Variants in GRM1 observed in about 807,000 individuals in gnomAD.
GRM1 encodes the protein glutamate metabotropic receptor 1.
A neutral mutation model predicts 90.9 loss-of-function variants in GRM1; 33 were observed. That is an observed-to-expected ratio of 0.36 (90% CI 0.28 to 0.49). GRM1 has a LOEUF of 0.49. GRM1 is among the 20% of genes least tolerant of loss of function. The pLI is 0.99. For synonymous variants in GRM1, 700 were observed against 613.2 expected, an observed-to-expected ratio of 1.14 and a Z score of -2.09; for missense variants, 1,190 against 1,534.3, an observed-to-expected ratio of 0.78 and a Z score of 3.75.
At chr6:146,411,133 C>G (rs1012231131) in intron 7 of GRM1, among the ~76,000 whole-genome samples, 1 of 152,128 alleles carries the variant, frequency 6.6e-6, no homozygotes, top group Non-Finnish European at 1.5e-5. Context: ...CAAGACAATA[C>G]AAGCATAGTG....
intron 5 of GRM1, among the ~76,000 whole-genome samples, chr6:146,373,190 A>G (rs1270009617): frequency 6.6e-6 from 1 of 152,060 alleles, no homozygotes; most frequent in Non-Finnish European, 1.5e-5. Flanking sequence ...CTCTTTTGTT[A>G]ATTCCTAGGT....
At chr6:146,130,242 TCCCTC>T (rs1776347166) in intron 1 of GRM1, among the ~76,000 whole-genome samples, 1 of 102,520 alleles carries the variant, frequency 9.8e-6, no homozygotes, top group African/African-American at 3.7e-5. Context: ...CCTCCCTCCC[TCCCTC>T]CCTCCCTTCC....
chr6:146,143,891 A>T (rs1776991337), intron 1 of GRM1, among the ~76,000 whole-genome samples: 1 of 152,228 alleles, frequency 6.6e-6, no homozygotes, highest in Non-Finnish European at 1.5e-5. Context: ...TATTTTGAAC[A>T]TGAATAAAGA....
chr6:146,102,157 G>C (rs1475981125), intron 1 of GRM1, among the ~76,000 whole-genome samples: 1 of 151,762 alleles, frequency 6.6e-6, no homozygotes, highest in Non-Finnish European at 1.5e-5. Context: ...TTTTTCTCTG[G>C]GTTCTCTTCC....
chr6:146,158,407 C>T (rs566247482), intron 1 of GRM1, among the ~76,000 whole-genome samples: 151 of 152,180 alleles, frequency 9.9e-4, no homozygotes, highest in Non-Finnish European at 1.5e-3. Context: ...GATGAGGTAG[C>T]AGAGATGGAT....
chr6:146,270,530 A>C (rs1194679521), intron 2 of GRM1, among the ~76,000 whole-genome samples: 8 of 152,180 alleles, frequency 5.3e-5, no homozygotes, highest in Non-Finnish European at 1.2e-4. Context: ...CAATCACCAA[A>C]GGATGAGTTG....
intron 1 of GRM1, among the ~76,000 whole-genome samples, chr6:146,118,118 T>C (rs561313325): frequency 6.7e-6 from 1 of 150,030 alleles, no homozygotes; most frequent in Non-Finnish European, 1.5e-5. Flanking sequence ...TTATTTATTT[T>C]TTATTCTTTT....
In GRM1 at chr6:146,434,429, A is replaced by T. The variant is rs755592976; in HGVS notation, c.3218A>T (p.Gln1073Leu). Reference sequence around the variant, plus strand: ...CTGTACCCGCCCCCGCCACCTCCGCAGCACCTGCAGATGCTGCCGCTGCAG... The same window carrying T: ...CTGTACCCGCCCCCGCCACCTCCGCTGCACCTGCAGATGCTGCCGCTGCAG... ...RSLYPPPPPP[Q>L]HLQMLPLQLS... Residue 1073 changes from glutamine to leucine, a missense_variant, in exon 8 of 8, where the codon CAG (glutamine) becomes CTG (leucine). Around this residue, in one of 10 missense-constraint regions of GRM1, gnomAD observed 400 missense variants for 360.8 expected, o/e 1.11. Transcript: ENST00000282753. The T allele has an allele frequency of 1.2e-6, 2 of 1,613,404 alleles. No individual in the cohort carries two copies. The highest frequency in any genetic ancestry group is 4.5e-5 in the East Asian group (2 of 44,852).
intron 2 of GRM1, among the ~76,000 whole-genome samples, chr6:146,213,351 T>A (rs1779744907): frequency 6.6e-6 from 1 of 151,998 alleles, no homozygotes. Flanking sequence ...TTAATTTTAA[T>A]CTTCACCTGC....
At chr6:146,312,375 A>G (rs1282242310) in intron 3 of GRM1, among the ~76,000 whole-genome samples, 1 of 150,778 alleles carries the variant, frequency 6.6e-6, no homozygotes, top group Non-Finnish European at 1.5e-5. Context: ...AAAAAAAAAA[A>G]AAAAGAATAT....
In GRM1 at chr6:146,313,852, G is replaced by A. The variant is rs528822554; in HGVS notation, c.1186+9006G>A. Among the ~76,000 whole-genome samples, 283 of 151,778 alleles carry A rather than the reference G, an allele frequency of 1.9e-3. 2 individuals are homozygous for A. The highest frequency in any genetic ancestry group is 6.2e-3 in the African/African-American group (256 of 41,368). ...TTGTGCCTCATTGAAAATCCCTCTC[G>A]TCTACCCCTCTTCATCCCATCCCCA... is the stretch of plus-strand genomic sequence containing the variant. On this transcript the variant is annotated intron_variant, in intron 3 of 7. Transcript: ENST00000282753.
intron 7 of GRM1, among the ~76,000 whole-genome samples, chr6:146,400,922 T>G (rs1777135668): frequency 6.6e-6 from 1 of 152,104 alleles, no homozygotes; most frequent in South Asian, 2.1e-4. Context: ...TATTTATTTA[T>G]TATTATTATT....
At chr6:146,174,154 T>A (rs1256210996) in intron 2 of GRM1, among the ~76,000 whole-genome samples, 3 of 152,138 alleles carry the variant, frequency 2.0e-5, no homozygotes. Flanking sequence ...TCCTGAAAAT[T>A]CAGTTTGAGA....
chr6:146,154,961 C>G (rs1448823997), intron 1 of GRM1, among the ~76,000 whole-genome samples: 1 of 152,164 alleles, frequency 6.6e-6, no homozygotes, highest in Non-Finnish European at 1.5e-5. Flanking sequence ...TGATTTGTTT[C>G]ATATACCTGT....
intron 5 of GRM1, among the ~76,000 whole-genome samples, chr6:146,382,322 TAAA>T (rs5880673): frequency 2.0e-4 from 29 of 143,158 alleles, no homozygotes; most frequent in Non-Finnish European, 3.1e-4. Flanking sequence ...ACCTAAGATT[TAAA>T]AAAAAAAAAA....
chr6:146,173,084 T>A (rs1778197972), intron 2 of GRM1, among the ~76,000 whole-genome samples: 1 of 152,056 alleles, frequency 6.6e-6, no homozygotes, highest in Non-Finnish European at 1.5e-5. Context: ...ATGCAAGTTC[T>A]TTGACTGGAA....
At chr6:146,219,399 A>C (rs1027731502) in intron 2 of GRM1, among the ~76,000 whole-genome samples, 2 of 152,154 alleles carry the variant, frequency 1.3e-5, no homozygotes, top group Non-Finnish European at 1.5e-5. Flanking sequence ...TGTAAGGAAG[A>C]GAGTAGCGCT....
intron 2 of GRM1, among the ~76,000 whole-genome samples, chr6:146,259,976 A>G (rs987386049): frequency 6.9e-6 from 1 of 145,828 alleles, no homozygotes; most frequent in Non-Finnish European, 1.5e-5. Context: ...ATATATATTT[A>G]TATATATATA....
chr6:146,377,489 A>G (rs149632566), intron 5 of GRM1, among the ~76,000 whole-genome samples: 11 of 152,264 alleles, frequency 7.2e-5, no homozygotes, highest in African/African-American at 2.6e-4. Context: ...TGGAACATTG[A>G]ATTTGAGAGA....
Sources: allele counts gnomAD v4.1 joint callset (sites outside exome capture counted in the v4.1 genomes callset), GRCh38; gene constraint gnomAD v4.1.1; regional missense constraint gnomAD v4.1.1; transcripts MANE v1.5; gene names NCBI Gene and HGNC (gene_info 2026-07-23, HGNC 2026-07-21).